Variants in DMXL2 observed in about 807,000 individuals in gnomAD.
The protein encoded by DMXL2 is Dmx like 2, also known as dmX-like protein 2.
In DMXL2, 103 loss-of-function variants were observed where a neutral mutation model predicts 331.1. The ratio of observed to expected loss-of-function variants is 0.31; its 90% CI spans 0.27 to 0.37. The LOEUF (loss-of-function observed/expected upper bound fraction) is 0.37. DMXL2 is among the 10% of genes least tolerant of loss of function. DMXL2 has a pLI of 1.00. For missense variants in DMXL2, 3,171 were observed against 3,642.9 expected (o/e 0.87, Z 3.33); for synonymous variants, 1,281 against 1,252.1 (o/e 1.02, Z -0.49).
intron 40 of DMXL2, among the ~76,000 whole-genome samples, 174 bp from the exon 41 acceptor site, chr15:51,453,815 T>C (rs1172632491): frequency 1.3e-5 from 2 of 152,268 alleles, no homozygotes; most frequent in African/African-American, 4.8e-5. Flanking sequence ...GTCATGTGTA[T>C]ATTATTTGGC....
intron 8 of DMXL2, 125 bp downstream of exon 8, chr15:51,545,458 G>C: frequency 1.4e-6 from 1 of 740,708 alleles, no homozygotes; most frequent in Non-Finnish European, 2.1e-6. Flanking sequence ...GCATAAATGA[G>C]AGTTTATTGC....
intron 13 of DMXL2, among the ~76,000 whole-genome samples, chr15:51,519,636 G>GTTTTT (rs61062444): frequency 2.6e-3 from 221 of 84,850 alleles, no homozygotes; most frequent in Middle Eastern, 0.01. Flanking sequence ...AAAGTCTCTT[G>GTTTTT]TTTTTTTTTT....
intron 43 of DMXL2, among the ~76,000 whole-genome samples, chr15:51,449,858 T>C (rs2038980427): frequency 6.6e-6 from 1 of 152,124 alleles, no homozygotes; most frequent in African/African-American, 2.4e-5. Context: ...AAAAATTTCA[T>C]GCATTAAACT....
Position 51,498,458 on chromosome 15 carries a change from G to A in DMXL2, c.4672+94C>T, listed in dbSNP as rs1284376243. 1.1e-5 allele frequency: 14 copies of A among 1,300,306 alleles called. No individual in the cohort carries two copies. In the East Asian group the frequency reaches 2.4e-4, roughly 22 times the overall value. The allele number at this position is 1,300,306 out of a possible 1,614,324, so 80.5% of individuals were successfully genotyped here. On this transcript the variant is annotated intron_variant, in intron 18 of 43. Transcript: ENST00000560891. The stretch of plus-strand genomic sequence containing the variant: ...GGTCTTTTCCCTGCAAAGTTTGAAA[G>A]TTGAGACTGCAATTCAGTAAATGAG...
intron 1 of DMXL2, among the ~76,000 whole-genome samples, chr15:51,577,373 A>G (rs1185022075): frequency 6.6e-6 from 1 of 152,146 alleles, no homozygotes; most frequent in Non-Finnish European, 1.5e-5. Context: ...ATTCTACTAA[A>G]ACTTCCAATG....
chr15:51,536,131 C>T (rs908825025), intron 12 of DMXL2, 35 bp downstream of exon 12: 12 of 1,474,400 alleles, frequency 8.1e-6, no homozygotes, highest in African/African-American at 4.2e-5. Flanking sequence ...AGTTTAAAAG[C>T]TTGTGTTAAT....
rs2046612513 is a variant in DMXL2 at position 51,509,355 on chromosome 15, T to TA, written c.2645-2103dup. ...AAAGAAAAGAATCAAACAGACACAA[T>TA]AAAAAATGATAAAGGGGCTATCATC... On this transcript the variant is annotated intron_variant, in intron 15 of 43. Transcript: ENST00000560891. 2.0e-5 allele frequency among the ~76,000 whole-genome samples: 3 copies of TA among 151,644 alleles called. No homozygotes were observed. The South Asian group carries it at 6.3e-4, about 32-fold the overall frequency.
At chr15:51,595,431 T>C (rs547696734) in intron 1 of DMXL2, among the ~76,000 whole-genome samples, 7 of 152,062 alleles carry the variant, frequency 4.6e-5, no homozygotes, top group South Asian at 2.1e-4. Context: ...AGGATACAAA[T>C]AAATGGAAGA....
intron 1 of DMXL2, among the ~76,000 whole-genome samples, chr15:51,616,611 G>A (rs747613031): frequency 6.6e-6 from 1 of 152,142 alleles, no homozygotes; most frequent in Non-Finnish European, 1.5e-5. Context: ...AACTTCTACT[G>A]AAATATTTGG....
rs943101460 is a variant in DMXL2 at position 51,471,322 on chromosome 15, T to C, written c.7293A>G (p.Val2431=). Residue 2431 remains valine (V), a synonymous_variant, in exon 29 of 44, where the codon GTA becomes GTG. Transcript: ENST00000560891. ...NMRMLVPGRP[V]KDATPPPVPA... is the part of the protein sequence containing the mutation. ...GCACCGGTGGTGGGGTAGCATCTTT[T>C]ACAGGCCTTCCAGGGACGAGCATTC... 1.4e-5 allele frequency: 23 copies of C among 1,613,990 alleles called. No individual in the cohort carries two copies. The highest frequency in any genetic ancestry group is 1.9e-5 in the Non-Finnish European group (22 of 1,179,970).
chr15:51,621,787 G>C (rs1199592723), intron 1 of DMXL2, among the ~76,000 whole-genome samples: 1 of 152,102 alleles, frequency 6.6e-6, no homozygotes, highest in African/African-American at 2.4e-5. Flanking sequence ...TTATCTAGGA[G>C]GATTACCAAA....
At chr15:51,607,186 G>T (rs1032217790) in intron 1 of DMXL2, among the ~76,000 whole-genome samples, 15 of 151,962 alleles carry the variant, frequency 9.9e-5, no homozygotes, top group Non-Finnish European at 2.1e-4. Context: ...GCCGGGCGCG[G>T]TGGCTCACGT....
Position 51,565,097 on chromosome 15 carries a change from C to A in DMXL2, c.355G>T (p.Asp119Tyr). Residue 119 changes from aspartate (D) to tyrosine (Y), a missense_variant, in exon 4 of 44, where the codon GAT becomes TAT. Physicochemically the swap from Asp to Tyr is radical, Grantham distance 160. This residue lies in a region of DMXL2 where 1,674 missense variants were observed against 1,780.2 expected (regional missense o/e 0.94). Transcript: ENST00000560891. ...TACAATTGCTAAATACCTTGAGGAT[C>A]CCATGCTAAGTTGTATGTCACAGAA... ...LSSVTYNLAW[D>Y]PQDNRLLTAT... 6.5e-7 allele frequency: 1 copy of A among 1,533,462 alleles called. No individual in the cohort carries two copies. Among genetic ancestry groups the A allele is most frequent in the Non-Finnish European group, 8.7e-7 (1 of 1,143,278 alleles). The allele number at this position is 1,533,462 out of a possible 1,614,324, so 95.0% of individuals were successfully genotyped here.
At chr15:51,602,335 T>C (rs540379786) in intron 1 of DMXL2, among the ~76,000 whole-genome samples, 4 of 152,238 alleles carry the variant, frequency 2.6e-5, no homozygotes, top group South Asian at 2.1e-4. Flanking sequence ...ATCTTTTTTT[T>C]CCCTTTTCTC....
intron 7 of DMXL2, 87 bp downstream of exon 7, chr15:51,547,143 C>T: frequency 8.2e-7 from 1 of 1,212,844 alleles, no homozygotes; most frequent in Non-Finnish European, 1.1e-6. Context: ...TATTAATTGC[C>T]ACCATGTAAA....
At chr15:51,501,270 C>T (rs78844349) in intron 17 of DMXL2, among the ~76,000 whole-genome samples, 1 of 152,074 alleles carries the variant, frequency 6.6e-6, no homozygotes, top group Admixed American at 6.5e-5. Context: ...TTTTAGCGGC[C>T]CCGAACCTCC....
chr15:51,619,278 G>A (rs1441595863), intron 1 of DMXL2, among the ~76,000 whole-genome samples: 1 of 152,148 alleles, frequency 6.6e-6, no homozygotes, highest in South Asian at 2.1e-4. Context: ...ACTTATTGCA[G>A]GATAACATTT....
intron 1 of DMXL2, among the ~76,000 whole-genome samples, chr15:51,602,810 T>G (rs140771617): frequency 7.3e-4 from 111 of 152,340 alleles, no homozygotes; most frequent in African/African-American, 2.5e-3. Flanking sequence ...CCAGCTCTAA[T>G]TCCTGCTAAA....
chr15:51,457,271 C>T, intron 37 of DMXL2, 57 bp downstream of exon 37: 1 of 1,568,896 alleles, frequency 6.4e-7, no homozygotes, highest in Non-Finnish European at 8.7e-7. Context: ...CAAAGAGATT[C>T]CAACTGATTT....
Sources: gnomAD v4.1 joint callset for allele counts (sites outside exome capture counted in the v4.1 genomes callset) on GRCh38, gnomAD v4.1.1 for gene constraint, gnomAD v4.1.1 regional missense constraint, MANE v1.5 for transcripts, NCBI Gene and HGNC (gene_info 2026-07-23, HGNC 2026-07-21) for gene names.